The following MACROD2 variants were observed in gnomAD, a reference collection of about 807,000 sequenced individuals.
MACROD2 encodes ADP-ribose glycohydrolase MACROD2.
Under a neutral mutation model 70.4 loss-of-function variants are expected in MACROD2, and 36 were observed. The observed-to-expected ratio is 0.51, with a 90% CI of 0.39 to 0.68. MACROD2 has a LOEUF of 0.68. MACROD2 is among the 30% of genes least tolerant of loss of function. The pLI is 0.00. For synonymous variants in MACROD2, 172 were observed against 178.8 expected (o/e 0.96, Z 0.30); for missense variants, 496 against 538.4 (o/e 0.92, Z 0.78).
intron 6 of MACROD2, among the ~76,000 whole-genome samples, chr20:15,380,829 C>T (rs2045633292): frequency 6.6e-6 from 1 of 152,150 alleles, no homozygotes. Flanking sequence ...GTAGCTATAA[C>T]ATTGTGAATA....
intron 4 of MACROD2, among the ~76,000 whole-genome samples, chr20:14,683,804 A>G (rs914246047): frequency 7.2e-5 from 11 of 152,046 alleles, no homozygotes; most frequent in African/African-American, 2.7e-4. Flanking sequence ...CTAATATTCT[A>G]TCTATTTTCA....
intron 5 of MACROD2, among the ~76,000 whole-genome samples, chr20:14,870,384 A>G (rs2073474261): frequency 6.6e-6 from 1 of 152,140 alleles, no homozygotes. Context: ...TGCTATCATG[A>G]ATAGTGCTAC....
intron 3 of MACROD2, among the ~76,000 whole-genome samples, chr20:14,486,376 C>T (rs1443308109): frequency 6.6e-6 from 1 of 152,034 alleles, no homozygotes; most frequent in African/African-American, 2.4e-5. Context: ...CTGACTGAAC[C>T]CAACTAGAGA....
chr20:14,820,357 CTTT>C lies in MACROD2; in HGVS notation c.418+135415_418+135417del, dbSNP rs11475238. 7.7e-3 allele frequency among the ~76,000 whole-genome samples: 900 copies of C among 116,144 alleles called. 14 individuals are homozygous for C. Among genetic ancestry groups the C allele is most frequent in the African/African-American group, 0.022 (666 of 30,950 alleles). The allele number at this position is 116,144 out of a possible 152,430, so 76.2% of individuals were successfully genotyped here. Reference sequence around the variant, plus strand: ...GTGGGATTAGGAATAATTTTTCTTCCTTTTTTTTTTTTTTTTTTTGTTTTCTCT... The same window carrying C: ...GTGGGATTAGGAATAATTTTTCTTCCTTTTTTTTTTTTTTTTGTTTTCTCT... On this transcript the variant is annotated intron_variant, in intron 5 of 17. Transcript: ENST00000684519.
At chr20:15,676,406 G>C (rs1352660617) in intron 8 of MACROD2, among the ~76,000 whole-genome samples, 1 of 152,168 alleles carries the variant, frequency 6.6e-6, no homozygotes, top group Non-Finnish European at 1.5e-5. Context: ...AATATCATGG[G>C]CTAAAATTCA....
intron 5 of MACROD2, among the ~76,000 whole-genome samples, chr20:14,845,097 T>C (rs1198225803): frequency 6.6e-6 from 1 of 152,042 alleles, no homozygotes; most frequent in African/African-American, 2.4e-5. Flanking sequence ...AAAAGCAACC[T>C]CTTTCTCTCT....
chr20:14,364,337 G>T (rs534545495), intron 3 of MACROD2, among the ~76,000 whole-genome samples: 1 of 152,182 alleles, frequency 6.6e-6, no homozygotes. Context: ...TCATTCTACA[G>T]TGAGCTGCAG....
intron 5 of MACROD2, among the ~76,000 whole-genome samples, chr20:14,686,531 A>G (rs1460472466): frequency 1.3e-5 from 2 of 152,142 alleles, no homozygotes; most frequent in East Asian, 1.9e-4. Flanking sequence ...AACCTGTACT[A>G]TATTTTTACT....
rs1305845949 is a variant in MACROD2, at chr20:14,217,095, G to A, written c.271+131367G>A. Reference sequence around the variant, plus strand: ...TCCTTGTGTTGTTCCAGTTCTGAGAGGGAATGCTTTCAATTTTTCCCCATT... The same window carrying A: ...TCCTTGTGTTGTTCCAGTTCTGAGAAGGAATGCTTTCAATTTTTCCCCATT... On this transcript the variant is annotated intron_variant, in intron 3 of 17. Transcript: ENST00000684519. Among the ~76,000 whole-genome samples the A allele has an allele frequency of 2.0e-5, 3 of 152,142 alleles. No homozygotes were observed. The East Asian group carries it at 5.8e-4, about 29-fold the overall frequency.
At chr20:14,875,367 G>A (rs1600755497) in intron 5 of MACROD2, among the ~76,000 whole-genome samples, 2 of 151,882 alleles carry the variant, frequency 1.3e-5, no homozygotes, top group Non-Finnish European at 1.5e-5. Flanking sequence ...CTAGTCTGGG[G>A]GACAGAGTGA....
At chr20:15,152,931 C>T (rs1005287850) in intron 5 of MACROD2, among the ~76,000 whole-genome samples, 41 of 151,908 alleles carry the variant, frequency 2.7e-4, no homozygotes, top group African/African-American at 9.9e-4. Flanking sequence ...AGTGTGGTGC[C>T]AAGATTGAAA....
intron 3 of MACROD2, among the ~76,000 whole-genome samples, chr20:14,465,744 C>G (rs1333537781): frequency 5.3e-5 from 8 of 152,106 alleles, no homozygotes; most frequent in South Asian, 2.1e-4. Context: ...GACAAAATCT[C>G]TCAGCATTTG....
intron 3 of MACROD2, among the ~76,000 whole-genome samples, chr20:14,436,004 GATGAGAAGTCATTTTAAACTT>G: frequency 6.6e-6 from 1 of 152,246 alleles, no homozygotes; most frequent in East Asian, 1.9e-4. Flanking sequence ...ACCATGCCTG[GATGAGAAGTCATTTTAAACTT>G]ATAATTAAGT....
At chr20:15,723,477 A>G (rs2050817765) in intron 8 of MACROD2, among the ~76,000 whole-genome samples, 1 of 152,172 alleles carries the variant, frequency 6.6e-6, no homozygotes, top group Admixed American at 6.5e-5. Context: ...ACGATCGCTG[A>G]TCTTTATACT....
intron 8 of MACROD2, among the ~76,000 whole-genome samples, chr20:15,599,091 T>C (rs188982622): frequency 6.6e-6 from 1 of 152,164 alleles, no homozygotes; most frequent in African/African-American, 2.4e-5. Flanking sequence ...TTAAAGTGTT[T>C]AAATTGAGGC....
intron 6 of MACROD2, among the ~76,000 whole-genome samples, chr20:15,255,309 AT>A (rs1568671570): frequency 6.6e-6 from 1 of 151,986 alleles, no homozygotes; most frequent in Non-Finnish European, 1.5e-5. Flanking sequence ...CCTGTGTTTG[AT>A]TTGTAAAGTT....
chr20:15,945,356 C>G (rs1349022064), intron 12 of MACROD2, among the ~76,000 whole-genome samples: 2 of 152,154 alleles, frequency 1.3e-5, no homozygotes, highest in Admixed American at 1.3e-4. Context: ...CTAATTAATC[C>G]ATTTTAAAGC....
At chr20:14,634,956 C>G (rs998636738) in intron 4 of MACROD2, among the ~76,000 whole-genome samples, 2 of 152,102 alleles carry the variant, frequency 1.3e-5, no homozygotes, top group Admixed American at 6.5e-5. Flanking sequence ...AACTTTTGTT[C>G]TAGTCTTCTT....
rs116264986 is a variant in MACROD2 at position 15,610,679 on chromosome 20, G to A, written c.645+110832G>A. Among the ~76,000 whole-genome samples, 302 of 152,226 alleles carry A rather than the reference G, an allele frequency of 2.0e-3. 1 individual carries two copies. Among genetic ancestry groups the A allele is most frequent in the African/African-American group, 6.8e-3 (284 of 41,532 alleles). ...GGAGACCACCATTCAACCTACTACA[G>A]GCATCTTGTGTAGGCACCCTGCCTG... is the stretch of plus-strand genomic sequence containing the variant. On this transcript the variant is annotated intron_variant, in intron 8 of 17. Transcript: ENST00000684519.
Sources: gnomAD v4.1 joint callset for allele counts (sites outside exome capture counted in the v4.1 genomes callset) on GRCh38, gnomAD v4.1.1 for gene constraint, MANE v1.5 for transcripts, NCBI Gene and HGNC (gene_info 2026-07-23, HGNC 2026-07-21) for gene names.